Variants in CD163 observed in about 807,000 individuals in gnomAD.
The protein encoded by CD163 is scavenger receptor cysteine-rich type 1 protein M130.
In CD163, 64 loss-of-function variants were observed where a neutral mutation model predicts 129.2. That is an observed-to-expected ratio of 0.50 (90% CI 0.41 to 0.61). The LOEUF is 0.61. Among genes scored for constraint, CD163 ranks in the 20% least tolerant of loss-of-function variants. The pLI, the probability that CD163 is intolerant of heterozygous loss-of-function variation, is 0.00. For synonymous variants in CD163, 446 were observed against 478.5 expected (o/e 0.93, Z 0.89); for missense variants, 1,061 against 1,377.9 (o/e 0.77, Z 3.64).
chr12:7,485,567 T>A lies in CD163; in HGVS notation c.2459-151A>T, dbSNP rs1949236458. Reference sequence around the variant, plus strand: ...AATTCGTTAGTAACTTCTGGATGATTTCATAGATATTATTAAAATATTTTA... The same window carrying A: ...AATTCGTTAGTAACTTCTGGATGATATCATAGATATTATTAAAATATTTTA... On this transcript the variant is annotated intron_variant, in intron 10 of 16. Transcript: ENST00000432237. The surrounding 1 kb of genome is among the most constrained non-coding windows in gnomAD (Gnocchi z 4.5). The A allele has an allele frequency of 2.3e-6, 1 of 430,834 alleles. No individual in the cohort carries two copies. Among genetic ancestry groups the A allele is most frequent in the Admixed American group, 4.1e-5 (1 of 24,484 alleles). The allele number at this position is 430,834 out of a possible 1,614,324, so 26.7% of individuals were successfully genotyped here.
intron 6 of CD163, among the ~76,000 whole-genome samples, chr12:7,490,553 CT>C: frequency 6.6e-6 from 1 of 151,852 alleles, no homozygotes; most frequent in Non-Finnish European, 1.5e-5. Flanking sequence ...GTCTTAAGTC[CT>C]TTATAGATAC....
At position 7,471,116 on chromosome 12, in the gene CD163, A is replaced by T. The variant is rs1385418640; in HGVS notation, c.*313T>A. The T allele has an allele frequency of 6.6e-6, 1 of 152,202 alleles. No individual in the cohort carries two copies. The highest frequency in any genetic ancestry group is 1.5e-5 in the Non-Finnish European group (1 of 68,030). The allele number at this position is 152,202 out of a possible 1,614,324, so 9.4% of individuals were successfully genotyped here. ...ATACATCTAGGAAACTCTACAAAAA[A>T]TTAGGAAGCCCATTTAGAAATTAAT... On this transcript the variant is annotated 3_prime_UTR_variant, in exon 17 of 17. Coordinates refer to ENST00000432237, the MANE Select transcript of CD163 (RefSeq NM_203416.4).
rs757988451 is a variant in CD163, at chr12:7,497,143, A to G, written c.779-10T>C. ...CTCAGATCTGCTCCCTCTGTAACAG[A>G]GACACACAACAGGTCTGCGATAAGG... On this transcript the variant is annotated splice_polypyrimidine_tract_variant and intron_variant, in intron 4 of 16. Coordinates refer to ENST00000432237, the MANE Select transcript of CD163 (RefSeq NM_203416.4). 6.2e-7 allele frequency: 1 copy of G among 1,609,844 alleles called. No homozygotes were observed. Among genetic ancestry groups the G allele is most frequent in the South Asian group, 1.1e-5 (1 of 90,724 alleles).
chr12:7,491,357 G>T lies in CD163; in HGVS notation c.1421-3270C>A, dbSNP rs187079985. On this transcript the variant is annotated intron_variant, in intron 6 of 16. Coordinates refer to ENST00000432237, the MANE Select transcript of CD163 (RefSeq NM_203416.4). ...AGTAACATGTTAATCTATCCTATGG[G>T]TCGCTTTGCTTATATCGTTACTCTT... Among the ~76,000 whole-genome samples, 36 of 152,060 alleles carry T rather than the reference G, an allele frequency of 2.4e-4. No individual in the cohort carries two copies. The South Asian group carries it at 7.1e-3, about 30-fold the overall frequency.
At chr12:7,475,847 C>G (rs1175999159) in intron 16 of CD163, among the ~76,000 whole-genome samples, 1 of 152,160 alleles carries the variant, frequency 6.6e-6, no homozygotes, top group African/African-American at 2.4e-5. Flanking sequence ...CCCATTGTCT[C>G]AGCCGAAAAA....
intron 15 of CD163, chr12:7,480,639 G>T: frequency 6.4e-6 from 1 of 155,154 alleles, no homozygotes; most frequent in Non-Finnish European, 1.4e-5. Flanking sequence ...TAATAACATT[G>T]TGCTGTATGT....
chr12:7,498,813 A>G, intron 4 of CD163, 55 bp downstream of exon 4: 1 of 1,471,896 alleles, frequency 6.8e-7, no homozygotes, highest in Non-Finnish European at 9.3e-7. Context: ...AAGATTTATT[A>G]CCCCTTTCTT....
intron 6 of CD163, among the ~76,000 whole-genome samples, chr12:7,493,942 G>C (rs1238854402): frequency 2.6e-5 from 4 of 152,106 alleles, no homozygotes; most frequent in Non-Finnish European, 4.4e-5. Flanking sequence ...AAATGTTATA[G>C]ATATGGAAGT....
intron 14 of CD163, 99 bp downstream of exon 14, chr12:7,482,544 G>T: frequency 7.5e-7 from 1 of 1,331,122 alleles, no homozygotes; most frequent in Non-Finnish European, 1.0e-6. Context: ...CTCTTTTAGA[G>T]TCCATCTTTC....
intron 1 of CD163, 118 bp from the exon 2 acceptor site, chr12:7,502,682 T>C: frequency 1.5e-6 from 1 of 680,288 alleles, no homozygotes; most frequent in East Asian, 2.7e-5. Context: ...AAACTCTTCA[T>C]TCTAAATTGC....
chr12:7,483,062 T>C (rs1565399757), intron 12 of CD163, 58 bp from the exon 13 acceptor site: 1 of 1,550,860 alleles, frequency 6.4e-7, no homozygotes, highest in South Asian at 1.1e-5. Flanking sequence ...AGAACAAGCC[T>C]TCTGATTTCC....
chr12:7,479,397 C>A (rs1949130958), intron 16 of CD163, among the ~76,000 whole-genome samples: 1 of 152,064 alleles, frequency 6.6e-6, no homozygotes, highest in Non-Finnish European at 1.5e-5. Context: ...ATACTGTGTC[C>A]TTTCTTTGGA....
chr12:7,486,084 A>G (rs1333756243), intron 10 of CD163, among the ~76,000 whole-genome samples: 1 of 152,200 alleles, frequency 6.6e-6, no homozygotes, highest in Non-Finnish European at 1.5e-5. Context: ...TCTGCCATGA[A>G]AAATTGCTTG....
At chr12:7,479,555 C>CA (rs1426338313) in intron 16 of CD163, among the ~76,000 whole-genome samples, 5 of 152,164 alleles carry the variant, frequency 3.3e-5, no homozygotes, top group African/African-American at 1.2e-4. Context: ...TATAATATGT[C>CA]TTATCTTTTT....
rs1949252148 is a variant in CD163, at chr12:7,486,581, T to G, written c.2376A>C (p.Glu792Asp). The G allele has an allele frequency of 1.2e-6, 2 of 1,614,096 alleles. No individual in the cohort carries two copies. Among genetic ancestry groups the G allele is most frequent in the South Asian group, 2.2e-5 (2 of 91,086 alleles). Reference protein sequence around the residue: ...WLDEMKCNGKESRIWQCHSHG... With the variant: ...WLDEMKCNGKDSRIWQCHSHG... Reference sequence around the variant, plus strand: ...GTGAATGGCACTGCCAAATGCGGGATTCTTTTCCATTGCATTTCATCTCAT... The same window carrying G: ...GTGAATGGCACTGCCAAATGCGGGAGTCTTTTCCATTGCATTTCATCTCAT... The change falls in exon 10 of 17, where the codon GAA (glutamate) becomes GAC (aspartate). Residue 792 changes from glutamate to aspartate, a missense_variant. By Grantham distance (45) the Glu-to-Asp change is conservative (BLOSUM62 2). Coordinates refer to ENST00000432237, the MANE Select transcript of CD163 (RefSeq NM_203416.4).
rs73043493 is a variant in CD163 at position 7,485,951 on chromosome 12, A to G, written c.2459-535T>C. Among the ~76,000 whole-genome samples the G allele has an allele frequency of 2.6e-3, 396 of 152,304 alleles. 1 individual carries two copies. The highest frequency in any genetic ancestry group is 4.9e-3 in the Non-Finnish European group (330 of 68,022). On this transcript the variant is annotated intron_variant, in intron 10 of 16. Transcript: ENST00000432237. The surrounding 1 kb of genome is among the most constrained non-coding windows in gnomAD (Gnocchi z 4.5). Reference sequence around the variant, plus strand: ...GAATCATAGTTCTGTTCCCCATAATACATATGAAATAGTACATTTTTAAAT... The same window carrying G: ...GAATCATAGTTCTGTTCCCCATAATGCATATGAAATAGTACATTTTTAAAT...
Position 7,481,238 on chromosome 12 carries a change from T to C in CD163, c.3266A>G (p.Asn1089Ser), listed in dbSNP as rs1481686574. 1 of 1,613,560 alleles carries C rather than the reference T, an allele frequency of 6.2e-7. No homozygotes were observed. The highest frequency in any genetic ancestry group is 8.5e-7 in the Non-Finnish European group (1 of 1,179,654). ...CCGGTATTGAATTTGGTGGACTAAGTTCTCTCCTCTTGAGGAAACTGAAAA... is the reference window on the plus strand; with the variant it reads ...CCGGTATTGAATTTGGTGGACTAAGCTCTCTCCTCTTGAGGAAACTGAAAA... The part of the protein sequence containing the change: ...QRLAVSSRGE[N>S]LVHQIQYREM... The change falls in exon 15 of 17, where the codon AAC (asparagine) becomes AGC (serine). Residue 1089 changes from asparagine (N) to serine (S), a missense_variant. By Grantham distance (46) the Asn-to-Ser change is conservative. Coordinates refer to ENST00000432237, the MANE Select transcript of CD163 (RefSeq NM_203416.4).
At chr12:7,479,334 ACTT>A (rs1400102751) in intron 16 of CD163, among the ~76,000 whole-genome samples, 1 of 152,134 alleles carries the variant, frequency 6.6e-6, no homozygotes, top group Non-Finnish European at 1.5e-5. Flanking sequence ...TGAATAAAAA[ACTT>A]CTTATAGTTC....
In CD163 at chr12:7,487,217, T is replaced by G; in HGVS notation, c.2050+142A>C. On this transcript the variant is annotated intron_variant, in intron 8 of 16. Coordinates refer to ENST00000432237, the MANE Select transcript of CD163 (RefSeq NM_203416.4). This position sits in a 1 kb window ranked among gnomAD's most constrained non-coding sequence, Gnocchi z 5.1. ...TTTGCTCACCCTCTGAAAAGACAAA[T>G]GAGGTTAATATTCTGAAGCATGAAT... 1 of 1,048,926 alleles carries G rather than the reference T, an allele frequency of 9.5e-7. No individual in the cohort carries two copies. The highest frequency in any genetic ancestry group is 1.3e-6 in the Non-Finnish European group (1 of 743,754). The allele number at this position is 1,048,926 out of a possible 1,614,324, so 65.0% of individuals were successfully genotyped here.
Sources: allele counts gnomAD v4.1 joint callset (sites outside exome capture counted in the v4.1 genomes callset), GRCh38; gene constraint gnomAD v4.1.1; non-coding constraint Gnocchi (gnomAD v3.1); transcripts MANE v1.5; gene names NCBI Gene and HGNC (gene_info 2026-07-23, HGNC 2026-07-21).